SH3BGRL2: variants seen among roughly 807,000 people sequenced by gnomAD.
The protein encoded by SH3BGRL2 is SH3 domain binding glutamate rich protein like 2.
SH3BGRL2 carries 21 observed loss-of-function variants against 14.8 expected under a neutral mutation model. The ratio of observed to expected loss-of-function variants is 1.42; its 90% CI spans 1.01 to 2.05. The LOEUF is 2.05. Ranked by LOEUF, SH3BGRL2 falls within the 30% of genes most tolerant of loss-of-function variation. SH3BGRL2 has a pLI of 0.00. For missense variants in SH3BGRL2, 147 were observed against 130.8 expected (o/e 1.12, Z -0.61); for synonymous variants, 50 against 47.8 (o/e 1.05, Z -0.19).
intron 1 of SH3BGRL2, among the ~76,000 whole-genome samples, chr6:79,633,745 G>T (rs923006896): frequency 6.6e-6 from 1 of 152,078 alleles, no homozygotes; most frequent in African/African-American, 2.4e-5. Flanking sequence ...CCCAATTGTA[G>T]TTTTATCTCC....
the SH3BGRL2 span, among the ~76,000 whole-genome samples, chr6:79,624,739 C>T: frequency 1.1e-4 from 17 of 152,248 alleles, no homozygotes; most frequent in South Asian, 3.5e-3. Flanking sequence ...TCCATCTCTT[C>T]TCTTTTTCAG....
the SH3BGRL2 span, among the ~76,000 whole-genome samples, chr6:79,580,109 A>AT: frequency 1.3e-5 from 2 of 152,234 alleles, no homozygotes; most frequent in Non-Finnish European, 1.5e-5. Context: ...TATCCTAAAT[A>AT]TATATGCAGC....
At chr6:79,562,969 T>G in the SH3BGRL2 span, among the ~76,000 whole-genome samples, 1 of 152,090 alleles carries the variant, frequency 6.6e-6, no homozygotes, top group African/African-American at 2.4e-5. Context: ...GTTTGCTTGT[T>G]TTTTGAGACA....
rs547629360 is a variant in SH3BGRL2, at chr6:79,688,426, C to T, written c.232-8059C>T. On this transcript the variant is annotated intron_variant, in intron 2 of 3. Transcript: ENST00000369838. ...AAAATGTACCAGCTTCTGAAATGGG[C>T]AATTTTACCTTGAATATGATTTATG... Among the ~76,000 whole-genome samples the T allele has an allele frequency of 4.6e-5, 7 of 152,176 alleles. No individual in the cohort carries two copies. The East Asian group carries it at 1.4e-3, about 29-fold the overall frequency.
chr6:79,668,184 C>T (rs746602255), intron 1 of SH3BGRL2, among the ~76,000 whole-genome samples: 3 of 152,058 alleles, frequency 2.0e-5, no homozygotes, highest in African/African-American at 7.2e-5. Flanking sequence ...AACTGGGATC[C>T]TCCCGGGAAA....
At chr6:79,665,744 C>G (rs901820481) in intron 1 of SH3BGRL2, among the ~76,000 whole-genome samples, 2 of 152,176 alleles carry the variant, frequency 1.3e-5, no homozygotes, top group Admixed American at 6.5e-5. Flanking sequence ...CATTTTCTAT[C>G]ATTAAAATTA....
the SH3BGRL2 span, among the ~76,000 whole-genome samples, chr6:79,582,214 A>G: frequency 2.0e-5 from 3 of 152,128 alleles, no homozygotes; most frequent in Non-Finnish European, 2.9e-5. Flanking sequence ...TACTGCCCAA[A>G]GTAATTTATA....
the SH3BGRL2 span, among the ~76,000 whole-genome samples, chr6:79,587,710 ATAAAT>A: frequency 6.6e-6 from 1 of 152,216 alleles, no homozygotes; most frequent in African/African-American, 2.4e-5. Context: ...CTGACAAAAG[ATAAAT>A]TAACAAGAGA....
the SH3BGRL2 span, among the ~76,000 whole-genome samples, chr6:79,551,004 T>G: frequency 2.0e-5 from 3 of 152,184 alleles, no homozygotes; most frequent in African/African-American, 7.2e-5. Flanking sequence ...CAATGTTAGT[T>G]GAACATCAAA....
chr6:79,618,780 G>T, the SH3BGRL2 span, among the ~76,000 whole-genome samples: 3 of 151,644 alleles, frequency 2.0e-5, no homozygotes, highest in Non-Finnish European at 2.9e-5. Flanking sequence ...TTAGCCATGC[G>T]TGGTGGTATG....
intron 1 of SH3BGRL2, among the ~76,000 whole-genome samples, chr6:79,643,139 T>C (rs1033014897): frequency 6.6e-6 from 1 of 152,240 alleles, no homozygotes; most frequent in Non-Finnish European, 1.5e-5. Context: ...TCCTACAAAC[T>C]ATGATTTCTT....
chr6:79,565,683 A>G, the SH3BGRL2 span, among the ~76,000 whole-genome samples: 30 of 152,318 alleles, frequency 2.0e-4, no homozygotes, highest in Non-Finnish European at 4.1e-4. Flanking sequence ...TAACCCCACA[A>G]TCATTGTGGC....
chr6:79,696,338 T>A (rs1770331770), intron 2 of SH3BGRL2, 147 bp from the exon 3 acceptor site: 2 of 572,072 alleles, frequency 3.5e-6, no homozygotes, highest in African/African-American at 4.0e-5. Flanking sequence ...GCAAGCAGAC[T>A]AATTCAGCAG....
chr6:79,656,386 G>T (rs1769418494), intron 1 of SH3BGRL2, among the ~76,000 whole-genome samples: 1 of 152,178 alleles, frequency 6.6e-6, no homozygotes, highest in African/African-American at 2.4e-5. Context: ...TCTGATATGT[G>T]AGTAAATCTT....
the SH3BGRL2 span, among the ~76,000 whole-genome samples, chr6:79,549,047 A>G: frequency 2.0e-5 from 3 of 152,248 alleles, no homozygotes; most frequent in African/African-American, 7.2e-5. Flanking sequence ...TAGTGTCACC[A>G]ATGGTAAACT....
chr6:79,559,418 G>T, the SH3BGRL2 span, among the ~76,000 whole-genome samples: 1 of 152,060 alleles, frequency 6.6e-6, no homozygotes, highest in African/African-American at 2.4e-5. Context: ...ATTCCAGCCA[G>T]GCATGGATAA....
At chr6:79,612,807 C>T in the SH3BGRL2 span, among the ~76,000 whole-genome samples, 1 of 152,196 alleles carries the variant, frequency 6.6e-6, no homozygotes. Flanking sequence ...GTATTTGCCA[C>T]AAAAATCCTT....
the SH3BGRL2 span, among the ~76,000 whole-genome samples, chr6:79,556,967 T>C: frequency 3.3e-5 from 5 of 151,948 alleles, no homozygotes; most frequent in Non-Finnish European, 7.4e-5. Context: ...ATTCTGAACA[T>C]ATTTGACTTT....
the SH3BGRL2 span, among the ~76,000 whole-genome samples, chr6:79,548,551 G>A: frequency 6.6e-6 from 1 of 152,278 alleles, no homozygotes; most frequent in African/African-American, 2.4e-5. Context: ...GTTCAGAGCT[G>A]AGGGCTGTAG....
Sources: gnomAD v4.1 joint callset for allele counts (sites outside exome capture counted in the v4.1 genomes callset) on GRCh38, gnomAD v4.1.1 for gene constraint, MANE v1.5 for transcripts, NCBI Gene and HGNC (gene_info 2026-07-23, HGNC 2026-07-21) for gene names.